The following TRDN variants were observed in gnomAD, a reference collection of about 807,000 sequenced individuals.
TRDN encodes triadin, also known as triadin in skeletal muscle.
A neutral mutation model predicts 149.7 loss-of-function variants in TRDN; 161 were observed. The observed-to-expected ratio is 1.08, with a 90% CI of 0.95 to 1.23. The LOEUF (loss-of-function observed/expected upper bound fraction) is 1.23, where lower values mean the gene tolerates loss of function less well. Among genes scored for constraint, TRDN ranks in the 50% most tolerant of loss-of-function variants. The probability of loss-of-function intolerance (pLI) is 0.00; values close to 1 mark genes in which losing one functional copy is unlikely to be tolerated. For missense variants in TRDN, 896 were observed against 823.5 expected (o/e 1.09, Z -1.08); for synonymous variants, 294 against 250.5 (o/e 1.17, Z -1.64).
chr6:123,562,833 A>G (rs1199124553), intron 2 of TRDN, among the ~76,000 whole-genome samples: 1 of 152,244 alleles, frequency 6.6e-6, no homozygotes, highest in African/African-American at 2.4e-5. Context: ...CTGATTTAAA[A>G]GCACTTTTGG....
intron 21 of TRDN, among the ~76,000 whole-genome samples, chr6:123,340,724 T>C (rs1004763743): frequency 2.0e-5 from 3 of 151,988 alleles, no homozygotes; most frequent in African/African-American, 7.2e-5. Context: ...ACCAAACTTT[T>C]TGGACTTTTC....
rs142776178 is a variant in TRDN, at chr6:123,270,069, G to A, written c.1721-203C>T. Reference sequence around the variant, plus strand: ...AAAAAACTAGTAAGACACATGCTACGCACATAAAATTTAAAACAATCTATA... The same window carrying A: ...AAAAAACTAGTAAGACACATGCTACACACATAAAATTTAAAACAATCTATA... On this transcript the variant is annotated intron_variant, in intron 30 of 40. Coordinates refer to ENST00000334268, the MANE Select transcript of TRDN (RefSeq NM_006073.4). Among the ~76,000 whole-genome samples, 968 of 151,932 alleles carry A rather than the reference G, an allele frequency of 6.4e-3. 8 individuals are homozygous for A. The highest frequency in any genetic ancestry group is 0.022 in the African/African-American group (908 of 41,482).
At chr6:123,273,282 T>C in intron 28 of TRDN, 55 bp downstream of exon 28, 1 of 1,053,778 alleles carries the variant, frequency 9.5e-7, no homozygotes, top group Non-Finnish European at 1.3e-6. Flanking sequence ...TTTGAAAACG[T>C]TTCAATATTT....
At chr6:123,366,006 G>GT (rs1781085570) in intron 20 of TRDN, 129 bp downstream of exon 20, 1 of 747,112 alleles carries the variant, frequency 1.3e-6, no homozygotes, top group Admixed American at 3.0e-5. Flanking sequence ...AAATAGGTTT[G>GT]TTTCTATATC....
chr6:123,358,680 A>G (rs1780787011), intron 20 of TRDN, among the ~76,000 whole-genome samples: 1 of 151,862 alleles, frequency 6.6e-6, no homozygotes, highest in Non-Finnish European at 1.5e-5. Context: ...ACAGGGTTTC[A>G]CCATGTTGGT....
chr6:123,490,998 C>T (rs1280775708), intron 9 of TRDN, among the ~76,000 whole-genome samples: 3 of 151,722 alleles, frequency 2.0e-5, no homozygotes, highest in Non-Finnish European at 4.4e-5. Flanking sequence ...CCCAGCTACT[C>T]GCAAGGCTGA....
chr6:123,434,438 GGATCTA>G (rs1278943826), intron 12 of TRDN, among the ~76,000 whole-genome samples: 1 of 152,150 alleles, frequency 6.6e-6, no homozygotes. Flanking sequence ...AACATTTCCA[GGATCTA>G]GTCTTTGTGG....
intron 4 of TRDN, among the ~76,000 whole-genome samples, chr6:123,538,236 A>G (rs1450985683): frequency 6.6e-6 from 1 of 152,192 alleles, no homozygotes; most frequent in Non-Finnish European, 1.5e-5. Flanking sequence ...TATTAAAAAA[A>G]CAAATTATTT....
chr6:123,320,245 G>C (rs9401655), intron 23 of TRDN, among the ~76,000 whole-genome samples: 27,243 of 151,196 alleles, frequency 0.18, 3,451 homozygotes, highest in East Asian at 0.63. Context: ...ATGACACTTT[G>C]TATTTGCCAC....
At chr6:123,314,614 C>T (rs1162598548) in intron 24 of TRDN, among the ~76,000 whole-genome samples, 1 of 151,950 alleles carries the variant, frequency 6.6e-6, no homozygotes, top group African/African-American at 2.4e-5. Context: ...CAATGATAGA[C>T]TGGATAAATA....
Position 123,516,213 on chromosome 6 carries a change from A to G in TRDN, c.485-7T>C, listed in dbSNP as rs921833812. 143 of 1,477,580 alleles carry G rather than the reference A, an allele frequency of 9.7e-5. No homozygotes were observed. Among genetic ancestry groups the G allele is most frequent in the Non-Finnish European group, 1.2e-4 (127 of 1,103,908 alleles). The allele number at this position is 1,477,580 out of a possible 1,614,324, so 91.5% of individuals were successfully genotyped here. On this transcript the variant is annotated splice_polypyrimidine_tract_variant and splice_region_variant and intron_variant, in intron 5 of 40. Coordinates refer to ENST00000334268, the MANE Select transcript of TRDN (RefSeq NM_006073.4). ...TCTTTTTCTTTGTGTGTAACTGAAA[A>G]GAAACAGATAAATAGTTTTCATTTA... is the stretch of plus-strand genomic sequence containing the variant.
intron 20 of TRDN, among the ~76,000 whole-genome samples, chr6:123,353,193 C>T (rs985610030): frequency 6.6e-6 from 1 of 151,806 alleles, no homozygotes; most frequent in African/African-American, 2.4e-5. Context: ...GGAATCAGTG[C>T]ACTCCATTGA....
At chr6:123,289,069 G>A (rs1260413708) in intron 24 of TRDN, among the ~76,000 whole-genome samples, 4 of 145,512 alleles carry the variant, frequency 2.7e-5, no homozygotes, top group Non-Finnish European at 4.5e-5. Context: ...TATATAGTAT[G>A]TATGTATAGT....
intron 12 of TRDN, among the ~76,000 whole-genome samples, chr6:123,394,417 G>A (rs1395783894): frequency 2.6e-5 from 4 of 151,914 alleles, no homozygotes; most frequent in Admixed American, 1.3e-4. Context: ...GACTTAGTAT[G>A]GTTTCTGATT....
intron 12 of TRDN, among the ~76,000 whole-genome samples, chr6:123,421,958 G>C (rs1204115447): frequency 2.0e-5 from 3 of 151,262 alleles, no homozygotes; most frequent in African/African-American, 7.3e-5. Flanking sequence ...TACAGAGAAA[G>C]GTCACATCTC....
At chr6:123,458,880 C>T (rs1372725975) in intron 10 of TRDN, among the ~76,000 whole-genome samples, 2 of 151,994 alleles carry the variant, frequency 1.3e-5, no homozygotes, top group Non-Finnish European at 2.9e-5. Context: ...AAGGGGAACA[C>T]TGGTTTAAAA....
intron 21 of TRDN, among the ~76,000 whole-genome samples, chr6:123,340,747 G>T (rs1780036786): frequency 6.6e-6 from 1 of 151,884 alleles, no homozygotes; most frequent in Admixed American, 6.6e-5. Context: ...CTGATGGAAA[G>T]AATAATTGTA....
intron 19 of TRDN, 64 bp downstream of exon 19, chr6:123,375,541 G>T (rs1582936623): frequency 7.2e-6 from 10 of 1,389,238 alleles, no homozygotes; most frequent in Non-Finnish European, 8.8e-6. Flanking sequence ...ATAGTCTATA[G>T]CAGAAAATTC....
intron 4 of TRDN, among the ~76,000 whole-genome samples, chr6:123,535,618 T>C (rs1455741649): frequency 6.6e-6 from 1 of 152,310 alleles, no homozygotes; most frequent in East Asian, 1.9e-4. Context: ...TCATGGTTTA[T>C]CATTCAATGG....
Sources: allele counts gnomAD v4.1 joint callset (sites outside exome capture counted in the v4.1 genomes callset), GRCh38; gene constraint gnomAD v4.1.1; transcripts MANE v1.5; gene names NCBI Gene and HGNC (gene_info 2026-07-23, HGNC 2026-07-21).